MYO9A: variants seen among roughly 807,000 people sequenced by gnomAD.
MYO9A encodes the protein unconventional myosin-IXa.
MYO9A carries 103 observed loss-of-function variants against 293.3 expected under a neutral mutation model. The ratio of observed to expected loss-of-function variants is 0.35; its 90% confidence interval spans 0.30 to 0.41. MYO9A has a LOEUF of 0.41. MYO9A is among the 10% of genes least tolerant of loss of function. MYO9A has a pLI of 1.00. For missense variants in MYO9A, 2,685 were observed against 3,033.0 expected (o/e 0.89, Z 2.69); for synonymous variants, 1,001 against 1,035.7 (o/e 0.97, Z 0.64).
At chr15:72,048,059 A>G (rs968079441) in intron 1 of MYO9A, among the ~76,000 whole-genome samples, 1 of 152,040 alleles carries the variant, frequency 6.6e-6, no homozygotes, top group Admixed American at 6.6e-5. Context: ...CTGTTTGCCT[A>G]GATGGTCTTT....
rs1233217124 is a variant in MYO9A, at chr15:72,093,882, A to T, written c.-72+23798T>A. Among the ~76,000 whole-genome samples, 2 of 41,410 alleles carry T rather than the reference A, an allele frequency of 4.8e-5. 1 individual carries two copies. The highest frequency in any genetic ancestry group is 2.1e-4 in the Non-Finnish European group (2 of 9,564). The allele number at this position is 41,410 out of a possible 152,430, so 27.2% of individuals were successfully genotyped here. On this transcript the variant is annotated intron_variant, in intron 1 of 41. Transcript: ENST00000356056. ...AGCCTGGGCAACAGAGTGAGACTCC[A>T]TCTCAAAAAAATTAAATAAAAAAAA... is the stretch of plus-strand genomic sequence containing the variant.
chr15:71,856,153 A>T (rs1220368054), intron 34 of MYO9A, among the ~76,000 whole-genome samples: 1 of 152,026 alleles, frequency 6.6e-6, no homozygotes, highest in Admixed American at 6.6e-5. Flanking sequence ...TCTACTAAAA[A>T]TACAAAAATT....
In MYO9A at chr15:72,042,669, A is replaced by G. The variant is rs28402155; in HGVS notation, c.840+3055T>C. Among the ~76,000 whole-genome samples, 636 of 144,964 alleles carry G rather than the reference A, an allele frequency of 4.4e-3. 6 individuals carry two copies. The highest frequency in any genetic ancestry group is 0.015 in the African/African-American group (609 of 39,900). On this transcript the variant is annotated intron_variant, in intron 2 of 41. Transcript: ENST00000356056. ...GGAGTAGCCAGTGAAATCAAGCAAG[A>G]AAAAAAAAAAAAGACATCCAAACTG...
intron 26 of MYO9A, 132 bp downstream of exon 26, chr15:71,893,547 A>G (rs2057237762): frequency 1.4e-6 from 1 of 707,094 alleles, no homozygotes; most frequent in South Asian, 2.0e-5. Context: ...ATCTCCGCTC[A>G]TGGCTTCTTT....
rs1050544465 is a variant in MYO9A, at chr15:71,851,014, C to T, written c.6581+239G>A. Among the ~76,000 whole-genome samples, 7 of 152,144 alleles carry T rather than the reference C, an allele frequency of 4.6e-5. No homozygotes were observed. The East Asian group carries it at 1.3e-3, about 29-fold the overall frequency. On this transcript the variant is annotated intron_variant, in intron 37 of 41. Coordinates refer to ENST00000356056, the MANE Select transcript of MYO9A (RefSeq NM_006901.4). ...GAAAACAGGCTAAACTACACACTGC[C>T]ACCATGAGGCTGAAGCTGTTACATG...
chr15:71,848,950 A>T lies in MYO9A; in HGVS notation c.6732T>A (p.Val2244=). ...SKTTTCVELI[V]VEQMNKYKAR... ...CCTTGTATTTATTCATTTGTTCCAC[A>T]ACAATCAGTTCCACACAACTGAAAC... Residue 2244 remains valine, a synonymous_variant, in exon 39 of 42, where the codon GTT becomes GTA. Transcript: ENST00000356056. 2 of 1,604,728 alleles carry T rather than the reference A, an allele frequency of 1.2e-6. No individual in the cohort carries two copies. The highest frequency in any genetic ancestry group is 1.7e-6 in the Non-Finnish European group (2 of 1,177,746).
rs765018092 is a variant in MYO9A, at chr15:71,960,074, T to G, written c.2009A>C (p.Asp670Ala). The change falls in exon 14 of 42, where the codon GAT (aspartate) becomes GCT (alanine). Residue 670 changes from aspartate (D) to alanine (A), a missense_variant. Around this residue, in one of 10 missense-constraint regions of MYO9A, gnomAD observed 201 missense variants for 245.2 expected, o/e 0.82. Transcript: ENST00000356056. ...GVKDFREKNT[D>A]HMRPDIVALL... is the part of the protein sequence containing the mutation. ...AGCTACAATGTCTGGGCGCATATGATCTGTATTTTTTTCCCGGAAATCCTA... is the reference window on the plus strand; with the variant it reads ...AGCTACAATGTCTGGGCGCATATGAGCTGTATTTTTTTCCCGGAAATCCTA... 3 of 1,613,956 alleles carry G rather than the reference T, an allele frequency of 1.9e-6. No individual in the cohort carries two copies. The highest frequency in any genetic ancestry group is 2.5e-6 in the Non-Finnish European group (3 of 1,179,934).
At chr15:72,105,084 A>G (rs1204692808) in intron 1 of MYO9A, among the ~76,000 whole-genome samples, 1 of 152,212 alleles carries the variant, frequency 6.6e-6, no homozygotes, top group Admixed American at 6.5e-5. Flanking sequence ...ACCAAAATAT[A>G]TCTACTGTTT....
chr15:71,933,644 AC>A (rs1413195519), intron 18 of MYO9A, 25 bp downstream of exon 18: 1 of 1,597,012 alleles, frequency 6.3e-7, no homozygotes, highest in East Asian at 2.2e-5. Flanking sequence ...GAATACCAAT[AC>A]AAAAAAAGTT....
chr15:72,116,655 TA>T (rs554559863), intron 1 of MYO9A, among the ~76,000 whole-genome samples: 54 of 152,298 alleles, frequency 3.5e-4, no homozygotes, highest in African/African-American at 1.2e-3. Context: ...TAGTATCCTT[TA>T]AAAATAAAAA....
intron 1 of MYO9A, among the ~76,000 whole-genome samples, chr15:72,061,545 T>G (rs1262950094): frequency 1.3e-5 from 2 of 151,292 alleles, no homozygotes; most frequent in Non-Finnish European, 2.9e-5. Context: ...CAGTGGTAAG[T>G]AGGCAGTACT....
chr15:72,069,947 G>A (rs1210770957), intron 1 of MYO9A, among the ~76,000 whole-genome samples: 1 of 149,376 alleles, frequency 6.7e-6, no homozygotes, highest in Non-Finnish European at 1.5e-5. Flanking sequence ...GTGAAACCCT[G>A]TCTCCACTAA....
intron 9 of MYO9A, among the ~76,000 whole-genome samples, chr15:71,995,551 C>T (rs1458486353): frequency 7.2e-6 from 1 of 138,732 alleles, no homozygotes; most frequent in African/African-American, 2.7e-5. Context: ...ATTTAGAAAG[C>T]ATAAATTTAC....
At chr15:71,974,336 G>C (rs1044259767) in intron 12 of MYO9A, among the ~76,000 whole-genome samples, 1 of 152,160 alleles carries the variant, frequency 6.6e-6, no homozygotes, top group Non-Finnish European at 1.5e-5. Context: ...ATGCTTTCAC[G>C]AGTGTGTGCT....
At chr15:71,917,567 C>A (rs903634569) in intron 18 of MYO9A, among the ~76,000 whole-genome samples, 1 of 151,958 alleles carries the variant, frequency 6.6e-6, no homozygotes, top group East Asian at 1.9e-4. Flanking sequence ...AGCATAGTCC[C>A]TATTAACCCT....
chr15:71,956,326 A>ATATATATATATATAT (rs1371050523), intron 14 of MYO9A, among the ~76,000 whole-genome samples: 3 of 9,900 alleles, frequency 3.0e-4, no homozygotes, highest in East Asian at 1.1e-3. Context: ...AAAAAAAAAA[A>ATATATATATATATAT]AAAAATATAT....
At chr15:71,929,335 A>G (rs1388787092) in intron 18 of MYO9A, among the ~76,000 whole-genome samples, 1 of 152,210 alleles carries the variant, frequency 6.6e-6, no homozygotes, top group East Asian at 1.9e-4. Context: ...GAAGTGTAAC[A>G]GAAGTGGTGA....
At chr15:71,933,454 A>G (rs2058537204) in intron 18 of MYO9A, among the ~76,000 whole-genome samples, 1 of 152,146 alleles carries the variant, frequency 6.6e-6, no homozygotes, top group African/African-American at 2.4e-5. Context: ...AACGCTAGAA[A>G]ATGGTATATA....
intron 18 of MYO9A, among the ~76,000 whole-genome samples, chr15:71,919,174 A>G (rs1039702410): frequency 1.3e-5 from 2 of 152,108 alleles, no homozygotes; most frequent in African/African-American, 4.8e-5. Context: ...AGTGCCACGC[A>G]CTGTGGCTCA....
Sources: gnomAD v4.1 joint callset for allele counts (sites outside exome capture counted in the v4.1 genomes callset) on GRCh38, gnomAD v4.1.1 for gene constraint, gnomAD v4.1.1 regional missense constraint, MANE v1.5 for transcripts, NCBI Gene and HGNC (gene_info 2026-07-23, HGNC 2026-07-21) for gene names.